MAST4: variants seen among roughly 807,000 people sequenced by gnomAD.
MAST4 encodes the protein microtubule-associated serine/threonine-protein kinase 4.
MAST4 carries 89 observed loss-of-function variants against 162.7 expected under a neutral mutation model. The ratio of observed to expected loss-of-function variants is 0.55; its 90% CI spans 0.46 to 0.65. The LOEUF is 0.65. MAST4 is among the 30% of genes least tolerant of loss of function. The probability of loss-of-function intolerance (pLI) is 0.00; values close to 1 mark genes in which losing one functional copy is unlikely to be tolerated. For missense variants in MAST4, 3,153 were observed against 3,374.0 expected (o/e 0.93, Z 1.62); for synonymous variants, 1,479 against 1,361.1 (o/e 1.09, Z -1.91).
rs779341421 is a variant in MAST4, at chr5:67,166,646, G to C, written c.7467G>C (p.Gly2489=). ...ACACCTCTTCTGCCAAGGCCGCCGG[G>C]GGCATGCTGGAGCTTCCAGCCCCCA... ...SSDTSSAKAA[G]GMLELPAPSN... The change falls in exon 29 of 29, where the codon GGG becomes GGC. Residue 2489 remains glycine (G), a synonymous_variant. Transcript: ENST00000403625. 1.3e-6 allele frequency: 2 copies of C among 1,599,874 alleles called. No individual in the cohort carries two copies. Among genetic ancestry groups the C allele is most frequent in the South Asian group, 2.3e-5 (2 of 88,572 alleles).
chr5:66,633,127 G>A (rs1744893287), intron 1 of MAST4, among the ~76,000 whole-genome samples: 1 of 152,080 alleles, frequency 6.6e-6, no homozygotes, highest in South Asian at 2.1e-4. Context: ...TACTCCTTGA[G>A]GCTCAAATAC....
At chr5:67,033,303 G>A (rs997479794) in intron 4 of MAST4, among the ~76,000 whole-genome samples, 3 of 113,736 alleles carry the variant, frequency 2.6e-5, no homozygotes, top group African/African-American at 1.1e-4. Context: ...ACTTTTTTGG[G>A]TTTTCATTTC....
At chr5:66,651,631 G>A (rs1746227187) in intron 1 of MAST4, among the ~76,000 whole-genome samples, 1 of 151,944 alleles carries the variant, frequency 6.6e-6, no homozygotes. Flanking sequence ...CCAAAATGTA[G>A]CAGCTTTAAA....
At chr5:66,995,310 ACT>A (rs1328124502) in intron 4 of MAST4, among the ~76,000 whole-genome samples, 2 of 152,110 alleles carry the variant, frequency 1.3e-5, no homozygotes, top group African/African-American at 2.4e-5. Context: ...AAGTTTGTAA[ACT>A]CTTCAAAGTA....
At chr5:66,752,845 T>C (rs1487172643) in intron 1 of MAST4, among the ~76,000 whole-genome samples, 1 of 152,020 alleles carries the variant, frequency 6.6e-6, no homozygotes, top group Non-Finnish European at 1.5e-5. Flanking sequence ...AATATACATT[T>C]TTTTCAGCAC....
chr5:67,168,361 T>G lies in MAST4; in HGVS notation c.*1310T>G, dbSNP rs916139103. ...AATACTGTCTTAATACAGAGCAGCA[T>G]TTTTGTAACAAAGAGACTCGCTGGA... On this transcript the variant is annotated 3_prime_UTR_variant, in exon 29 of 29. Coordinates refer to ENST00000403625, the MANE Select transcript of MAST4 (RefSeq NM_001164664.2). 5.7e-4 allele frequency: 87 copies of G among 152,296 alleles called. No homozygotes were observed. Among genetic ancestry groups the G allele is most frequent in the African/African-American group, 2.1e-3 (86 of 41,560 alleles). 9.4% of individuals were successfully genotyped at this position (152,296 alleles called of 1,614,324 possible).
intron 4 of MAST4, among the ~76,000 whole-genome samples, chr5:67,046,668 AC>A (rs949417296): frequency 3.3e-5 from 5 of 152,310 alleles, no homozygotes; most frequent in African/African-American, 9.6e-5. Context: ...GCCAGATCTC[AC>A]TGTGGATTTA....
chr5:67,003,266 G>T (rs1042080712), intron 4 of MAST4, among the ~76,000 whole-genome samples: 4 of 152,078 alleles, frequency 2.6e-5, no homozygotes, highest in African/African-American at 9.7e-5. Context: ...TGCCTTCTTT[G>T]TCTACCTCTG....
chr5:66,778,981 A>G (rs1754727559), intron 2 of MAST4, among the ~76,000 whole-genome samples: 2 of 152,220 alleles, frequency 1.3e-5, no homozygotes, highest in South Asian at 4.1e-4. Context: ...CACGTGAAAG[A>G]AAAACTTCTG....
At chr5:66,810,029 A>C (rs1304364514) in intron 3 of MAST4, among the ~76,000 whole-genome samples, 1 of 152,192 alleles carries the variant, frequency 6.6e-6, no homozygotes, top group East Asian at 1.9e-4. Flanking sequence ...AGAGTATGTC[A>C]TTGCACAGAT....
intron 1 of MAST4, among the ~76,000 whole-genome samples, chr5:66,633,555 G>T (rs1404193810): frequency 6.6e-6 from 1 of 152,088 alleles, no homozygotes; most frequent in Non-Finnish European, 1.5e-5. Context: ...CATTTGTATG[G>T]CAATATCAGG....
chr5:66,969,400 T>G (rs1473012696), intron 4 of MAST4, among the ~76,000 whole-genome samples: 1 of 152,194 alleles, frequency 6.6e-6, no homozygotes, highest in Non-Finnish European at 1.5e-5. Context: ...GAACGCTCAT[T>G]GTCTTTATCT....
intron 4 of MAST4, among the ~76,000 whole-genome samples, chr5:67,009,818 C>G (rs1414479562): frequency 6.6e-6 from 1 of 151,996 alleles, no homozygotes; most frequent in African/African-American, 2.4e-5. Flanking sequence ...ACCTGCAAGC[C>G]AGTTAATAAG....
intron 4 of MAST4, among the ~76,000 whole-genome samples, chr5:66,999,982 TG>T (rs1751103262): frequency 6.6e-6 from 1 of 152,224 alleles, no homozygotes; most frequent in Non-Finnish European, 1.5e-5. Flanking sequence ...TCCTCATTGA[TG>T]TAACTTTCTT....
In MAST4 at chr5:67,089,380, T is replaced by C. The variant is rs544184115; in HGVS notation, c.764-782T>C. 7.2e-5 allele frequency among the ~76,000 whole-genome samples: 11 copies of C among 152,312 alleles called. No individual in the cohort carries two copies. The South Asian group carries it at 2.3e-3, about 32-fold the overall frequency. On this transcript the variant is annotated intron_variant, in intron 5 of 28. Transcript: ENST00000403625. ...AGAAAGTAACAAGCCCCAGAGGAGC[T>C]GCCCTCCTTCCAACGAGCAATCACT...
intron 3 of MAST4, among the ~76,000 whole-genome samples, chr5:66,799,770 G>C (rs1039509655): frequency 1.3e-5 from 2 of 152,146 alleles, no homozygotes; most frequent in African/African-American, 4.8e-5. Flanking sequence ...AGGCAGTTTA[G>C]AGTAATGTTT....
intron 5 of MAST4, among the ~76,000 whole-genome samples, chr5:67,074,305 CTGA>C (rs1246442939): frequency 6.6e-6 from 1 of 151,982 alleles, no homozygotes; most frequent in Non-Finnish European, 1.5e-5. Context: ...ATATTCATTT[CTGA>C]TGATGGTATA....
At chr5:67,122,457 G>A (rs1767701291) in intron 14 of MAST4, among the ~76,000 whole-genome samples, 1 of 152,056 alleles carries the variant, frequency 6.6e-6, no homozygotes, top group South Asian at 2.1e-4. Flanking sequence ...TTGTATTTTT[G>A]CAATATTTTA....
intron 4 of MAST4, among the ~76,000 whole-genome samples, chr5:67,038,616 A>G (rs143989829): frequency 8.4e-4 from 128 of 152,344 alleles, no homozygotes; most frequent in African/African-American, 2.9e-3. Flanking sequence ...ACCAAGTGCT[A>G]GTCTTCAATT....
Sources: allele counts gnomAD v4.1 joint callset (sites outside exome capture counted in the v4.1 genomes callset), GRCh38; gene constraint gnomAD v4.1.1; transcripts MANE v1.5; gene names NCBI Gene and HGNC (gene_info 2026-07-23, HGNC 2026-07-21).